PITRM1: variants seen among roughly 807,000 people sequenced by gnomAD.
PITRM1 encodes the protein pitrilysin metallopeptidase 1, also known as presequence protease, mitochondrial.
A neutral mutation model predicts 129.9 loss-of-function variants in PITRM1; 100 were observed. The observed-to-expected ratio is 0.77, with a 90% CI of 0.65 to 0.91. The LOEUF is 0.91. Among genes scored for constraint, PITRM1 ranks in the 40% least tolerant of loss-of-function variants. The probability of loss-of-function intolerance (pLI) is 0.00; values close to 1 mark genes in which losing one functional copy is unlikely to be tolerated. For synonymous variants in PITRM1, 591 were observed against 508.8 expected, an observed-to-expected ratio of 1.16 and a Z score of -2.17; for missense variants, 1,471 against 1,318.3, an observed-to-expected ratio of 1.12 and a Z score of -1.79.
intron 16 of PITRM1, 121 bp downstream of exon 16, chr10:3,149,500 T>A (rs1841279578): frequency 9.8e-7 from 1 of 1,022,974 alleles, no homozygotes; most frequent in African/African-American, 1.6e-5. Context: ...TACACCATAC[T>A]TACACACTAA....
At chr10:3,154,620 T>C (rs1841813978) in intron 14 of PITRM1, among the ~76,000 whole-genome samples, 1 of 152,216 alleles carries the variant, frequency 6.6e-6, no homozygotes, top group Non-Finnish European at 1.5e-5. Flanking sequence ...TATTTGCCAT[T>C]AGGAACTCTT....
chr10:3,143,081 G>A (rs1378727144), intron 23 of PITRM1: 2 of 294,000 alleles, frequency 6.8e-6, no homozygotes, highest in Non-Finnish European at 1.3e-5. Context: ...TTTTTACCTA[G>A]AGATGAGGTG....
Position 3,160,144 on chromosome 10 carries a change from G to C in PITRM1, c.918+60C>G, listed in dbSNP as rs756132181. On this transcript the variant is annotated intron_variant, in intron 8 of 26. Transcript: ENST00000224949. ...TCTGAAATCCCATCATCAATACCCA[G>C]TCCAAGTCCTCATGTCAACATATTT... 2.5e-5 allele frequency: 40 copies of C among 1,573,478 alleles called. No individual in the cohort carries two copies. In the Middle Eastern group the frequency reaches 1.3e-3, roughly 52 times the overall value.
chr10:3,150,890 G>C (rs2132419192), intron 15 of PITRM1, among the ~76,000 whole-genome samples: 1 of 152,112 alleles, frequency 6.6e-6, no homozygotes, highest in Non-Finnish European at 1.5e-5. Flanking sequence ...CTGATGGCAG[G>C]GTAAACATTA....
chr10:3,172,831 G>C, upstream of PITRM1: 1 of 1,509,988 alleles, frequency 6.6e-7, no homozygotes, highest in South Asian at 1.2e-5. Context: ...GCAGGGCGCG[G>C]GGCGGGGCTT....
intron 1 of PITRM1, chr10:3,172,191 A>T: frequency 2.2e-6 from 1 of 456,794 alleles, no homozygotes; most frequent in Non-Finnish European, 4.4e-6. Flanking sequence ...CCTTATATTA[A>T]ACACGGGCTC....
rs1245778078 is a variant in PITRM1 at position 3,147,747 on chromosome 10, AAGG to A, written c.2070-13_2070-11del. 11 of 1,563,180 alleles carry A rather than the reference AAGG, an allele frequency of 7.0e-6. No homozygotes were observed. Among genetic ancestry groups the A allele is most frequent in the Admixed American group, 2.1e-5 (1 of 48,474 alleles). ...TTCTTCAAAGCACGGGCTATGGAAAAAGGAGAAGAAAAAATTCCTGGAGACCCA... is the reference window on the plus strand; with the variant it reads ...TTCTTCAAAGCACGGGCTATGGAAAAAGAAGAAAAAATTCCTGGAGACCCA... On this transcript the variant is annotated splice_polypyrimidine_tract_variant and intron_variant, in intron 18 of 26. Transcript: ENST00000224949.
chr10:3,164,926 G>C (rs564731236), intron 6 of PITRM1, among the ~76,000 whole-genome samples: 75 of 152,280 alleles, frequency 4.9e-4, no homozygotes, highest in Middle Eastern at 3.4e-3. Flanking sequence ...CCTCTAGAAA[G>C]TACACCGTGT....
At chr10:3,151,863 G>A (rs979332085) in intron 14 of PITRM1, among the ~76,000 whole-genome samples, 6 of 152,150 alleles carry the variant, frequency 3.9e-5, no homozygotes, top group African/African-American at 1.2e-4. Flanking sequence ...AGCCTCCTAC[G>A]TGGCTGGGAC....
At chr10:3,158,781 G>T in intron 10 of PITRM1, 133 bp downstream of exon 10, 4 of 816,738 alleles carry the variant, frequency 4.9e-6, no homozygotes, top group Non-Finnish European at 7.8e-6. Context: ...GCCATCTTCC[G>T]ATTATAGCAA....
intron 24 of PITRM1, among the ~76,000 whole-genome samples, chr10:3,140,018 G>A (rs1421749450): frequency 2.0e-5 from 3 of 152,240 alleles, no homozygotes; most frequent in African/African-American, 4.8e-5. Context: ...TGGGGCCTGT[G>A]TTTCAGGACC....
chr10:3,150,337 C>T (rs780529501), intron 15 of PITRM1, among the ~76,000 whole-genome samples: 14 of 152,210 alleles, frequency 9.2e-5, no homozygotes, highest in South Asian at 4.1e-4. Context: ...ATGAGATTCA[C>T]GGACAAAAAC....
intron 3 of PITRM1, 64 bp downstream of exon 3, chr10:3,166,872 A>C: frequency 1.0e-6 from 1 of 998,912 alleles, no homozygotes; most frequent in Non-Finnish European, 1.5e-6. Flanking sequence ...GGAAGCCAAA[A>C]GAATGGACAT....
intron 7 of PITRM1, among the ~76,000 whole-genome samples, chr10:3,162,157 TTAAAAAAA>T (rs1842501608): frequency 7.6e-6 from 1 of 131,928 alleles, no homozygotes; most frequent in Non-Finnish European, 1.6e-5. Context: ...GACCCTGTCT[TTAAAAAAA>T]AAAAAAAAAA....
In PITRM1 at chr10:3,148,159, G is replaced by C; in HGVS notation, c.1992+12C>G. ...TTCCCACCGCAGCAGTCGTCTGACG[G>C]TACCAGGCTACCTGCTCGTAGGTGT... On this transcript the variant is annotated intron_variant, in intron 17 of 26. Transcript: ENST00000224949. 1 of 1,613,922 alleles carries C rather than the reference G, an allele frequency of 6.2e-7. No homozygotes were observed. The highest frequency in any genetic ancestry group is 8.5e-7 in the Non-Finnish European group (1 of 1,179,848).
intron 14 of PITRM1, among the ~76,000 whole-genome samples, chr10:3,154,034 C>T (rs1841755740): frequency 6.6e-6 from 1 of 152,226 alleles, no homozygotes; most frequent in Non-Finnish European, 1.5e-5. Context: ...CCCATCCCCA[C>T]TGCAGTCAAC....
At chr10:3,164,020 G>GT (rs1350067266) in intron 6 of PITRM1, 135 bp from the exon 7 acceptor site, 182 of 365,450 alleles carry the variant, frequency 5.0e-4, no homozygotes, top group African/African-American at 3.0e-3. Flanking sequence ...TGTTCTAATG[G>GT]TTTAAAAAAA....
At chr10:3,163,346 T>C (rs1380871561) in intron 7 of PITRM1, 1 of 157,694 alleles carries the variant, frequency 6.3e-6, no homozygotes, top group African/African-American at 2.4e-5. Context: ...CATCCACTAT[T>C]GGAAGAGCAC....
intron 5 of PITRM1, 23 bp downstream of exon 5, chr10:3,165,390 C>T: frequency 6.2e-7 from 1 of 1,606,208 alleles, no homozygotes; most frequent in Admixed American, 1.7e-5. Flanking sequence ...TCTGTATCAA[C>T]TAGTTAATCA....
Sources: gnomAD v4.1 joint callset for allele counts (sites outside exome capture counted in the v4.1 genomes callset) on GRCh38, gnomAD v4.1.1 for gene constraint, MANE v1.5 for transcripts, NCBI Gene and HGNC (gene_info 2026-07-23, HGNC 2026-07-21) for gene names.